Variants in UBA6 observed in about 807,000 individuals in gnomAD.
UBA6 encodes ubiquitin like modifier activating enzyme 6.
A neutral mutation model predicts 148.3 loss-of-function variants in UBA6; 87 were observed. The ratio of observed to expected loss-of-function variants is 0.59; its 90% confidence interval spans 0.49 to 0.70. The LOEUF (loss-of-function observed/expected upper bound fraction) is 0.70. Among genes scored for constraint, UBA6 ranks in the 30% least tolerant of loss-of-function variants. UBA6 has a pLI of 0.00. For missense variants in UBA6, 1,186 were observed against 1,241.2 expected (o/e 0.96, Z 0.67); for synonymous variants, 376 against 401.0 (o/e 0.94, Z 0.75).
chr4:67,699,550 A>ATAC (rs10633614), intron 1 of UBA6, among the ~76,000 whole-genome samples: 34,891 of 152,094 alleles, frequency 0.23, 4,151 homozygotes, highest in Middle Eastern at 0.29. Context: ...ACACATACAC[A>ATAC]ATATACCCTG....
Position 67,613,388 on chromosome 4 carries a change from C to A in UBA6, c.*5609G>T, listed in dbSNP as rs551655731. ...ACAGACCCACAGGCGGGTTTTGATT[C>A]TGGAATTATTAGACAGACTAGAAAA... On this transcript the variant is annotated 3_prime_UTR_variant, in exon 33 of 33. Coordinates refer to ENST00000322244, the MANE Select transcript of UBA6 (RefSeq NM_018227.6). 193 of 152,198 alleles carry A rather than the reference C, an allele frequency of 1.3e-3. No homozygotes were observed. Among genetic ancestry groups the A allele is most frequent in the African/African-American group, 4.3e-3 (178 of 41,518 alleles). 9.4% of individuals were successfully genotyped at this position (152,198 alleles called of 1,614,324 possible).
chr4:67,681,444 T>G, intron 4 of UBA6, 119 bp downstream of exon 4: 1 of 624,792 alleles, frequency 1.6e-6, no homozygotes, highest in Non-Finnish European at 2.7e-6. Context: ...CCATGATTTT[T>G]TTTAAAAAGT....
chr4:67,626,282 A>C (rs1728865297), intron 28 of UBA6, 78 bp downstream of exon 28: 2 of 816,600 alleles, frequency 2.4e-6, no homozygotes, highest in South Asian at 2.9e-5. Flanking sequence ...ATTAAATTCC[A>C]CAAATTCTTA....
chr4:67,647,489 T>G (rs1729446292), intron 14 of UBA6, among the ~76,000 whole-genome samples: 1 of 152,260 alleles, frequency 6.6e-6, no homozygotes, highest in Admixed American at 6.5e-5. Context: ...ACTCTGTATT[T>G]ATTTTTCAGC....
chr4:67,663,748 T>C (rs1458306812), intron 11 of UBA6, 137 bp downstream of exon 11: 1 of 652,492 alleles, frequency 1.5e-6, no homozygotes, highest in South Asian at 2.0e-5. Flanking sequence ...TATGTGAGTA[T>C]AACCTTTATT....
At chr4:67,647,508 A>G (rs1729446872) in intron 14 of UBA6, among the ~76,000 whole-genome samples, 1 of 152,094 alleles carries the variant, frequency 6.6e-6, no homozygotes, top group Non-Finnish European at 1.5e-5. Context: ...GCTTGGATAT[A>G]TAATCTATAA....
At position 67,641,225 on chromosome 4, in the gene UBA6, T is replaced by G. The variant is rs1334067711; in HGVS notation, c.1480A>C (p.Thr494Pro). 6.4e-7 allele frequency: 1 copy of G among 1,561,184 alleles called. No individual in the cohort carries two copies. Among genetic ancestry groups the G allele is most frequent in the Non-Finnish European group, 8.7e-7 (1 of 1,145,302 alleles). Residue 494 changes from threonine (T) to proline (P), a missense_variant, in exon 18 of 33, where the codon ACA (threonine) becomes CCA (proline). Transcript: ENST00000322244. Reference protein sequence around the residue: ...VGTSKEKGMITVTDPDLIEKS... With the variant: ...VGTSKEKGMIPVTDPDLIEKS... ...TCTATCAAGTCAGGATCTGTAACTG[T>G]AATCTAATATCAAGAAAATATGGCT... is the stretch of plus-strand genomic sequence containing the variant.
At chr4:67,627,401 A>G (rs1479224147) in intron 27 of UBA6, among the ~76,000 whole-genome samples, 1 of 151,974 alleles carries the variant, frequency 6.6e-6, no homozygotes, top group Non-Finnish European at 1.5e-5. Flanking sequence ...CCCACAGTTC[A>G]TGTTAAAACT....
At position 67,630,945 on chromosome 4, in the gene UBA6, A is replaced by G. The variant is rs551431626; in HGVS notation, c.2259-410T>C. On this transcript the variant is annotated intron_variant, in intron 25 of 32. Coordinates refer to ENST00000322244, the MANE Select transcript of UBA6 (RefSeq NM_018227.6). ...TTTAAAAACAAAAAAAGAAAGTCTT[A>G]TAGAAGAAGCAGTCCAGCATAAGGT... is the stretch of plus-strand genomic sequence containing the variant. Among the ~76,000 whole-genome samples the G allele has an allele frequency of 2.9e-4, 44 of 152,350 alleles. No individual in the cohort carries two copies. In the South Asian group the frequency reaches 8.9e-3, roughly 31 times the overall value.
At chr4:67,649,034 G>A (rs2109919706) in intron 14 of UBA6, 34 bp downstream of exon 14, 2 of 1,597,678 alleles carry the variant, frequency 1.3e-6, no homozygotes, top group Non-Finnish European at 1.7e-6. Flanking sequence ...CATTTCACGA[G>A]TAAAGAATTC....
intron 13 of UBA6, among the ~76,000 whole-genome samples, chr4:67,661,290 C>T (rs2109931685): frequency 6.6e-6 from 1 of 152,176 alleles, no homozygotes; most frequent in East Asian, 1.9e-4. Flanking sequence ...GTGTCCCCAC[C>T]CAAAATCTCA....
At chr4:67,629,979 T>C (rs1728958150) in intron 26 of UBA6, among the ~76,000 whole-genome samples, 1 of 152,066 alleles carries the variant, frequency 6.6e-6, no homozygotes, top group Admixed American at 6.6e-5. Context: ...TGTTAGTCAA[T>C]GAAGATGATG....
chr4:67,628,493 A>C (rs181762953), intron 27 of UBA6, among the ~76,000 whole-genome samples: 1 of 151,180 alleles, frequency 6.6e-6, no homozygotes, highest in Non-Finnish European at 1.5e-5. Context: ...GGTTTTCCTC[A>C]CTTCCATCCC....
intron 7 of UBA6, among the ~76,000 whole-genome samples, chr4:67,672,773 C>T (rs72642380): frequency 0.23 from 34,892 of 151,970 alleles, 4,166 homozygotes; most frequent in Middle Eastern, 0.3. Context: ...CTTTGAATGC[C>T]TTCCCCCAGA....
intron 20 of UBA6, among the ~76,000 whole-genome samples, chr4:67,634,851 G>A (rs1333742513): frequency 6.6e-6 from 1 of 151,930 alleles, no homozygotes; most frequent in African/African-American, 2.4e-5. Flanking sequence ...TTATAACACT[G>A]CCCCGCTTTG....
At chr4:67,653,256 T>C (rs1054836274) in intron 13 of UBA6, among the ~76,000 whole-genome samples, 2 of 152,170 alleles carry the variant, frequency 1.3e-5, no homozygotes, top group African/African-American at 4.8e-5. Context: ...GTAGACTGAC[T>C]GGGAAACACC....
Position 67,662,192 on chromosome 4 carries a change from C to T in UBA6, c.1101G>A (p.Glu367=), listed in dbSNP as rs751324120. 2.4e-5 allele frequency: 38 copies of T among 1,613,428 alleles called. No homozygotes were observed. Among genetic ancestry groups the T allele is most frequent in the Non-Finnish European group, 3.2e-5 (38 of 1,179,766 alleles). Residue 367 remains glutamate (E), a synonymous_variant, in exon 13 of 33, where the codon GAG becomes GAA. Transcript: ENST00000322244. The stretch of plus-strand genomic sequence containing the variant: ...AGCCATAAATTTCAATAGTCACCTT[C>T]TCTTCCAAGGTTTCACTTATAGATG... ...LATSISETLE[E]KPDVNADIVH...
intron 3 of UBA6, 77 bp from the exon 4 acceptor site, chr4:67,681,668 A>G (rs563596121): frequency 3.2e-6 from 3 of 948,036 alleles, no homozygotes; most frequent in East Asian, 5.4e-5. Flanking sequence ...GCTTAGTCAC[A>G]TATCTGACTG....
At position 67,649,218 on chromosome 4, in the gene UBA6, C is replaced by T; in HGVS notation, c.1105-7G>A. 6.2e-7 allele frequency: 1 copy of T among 1,601,130 alleles called. No individual in the cohort carries two copies. On this transcript the variant is annotated splice_region_variant and splice_polypyrimidine_tract_variant and intron_variant, in intron 13 of 32. Transcript: ENST00000322244. ...TGTCAGCATTTACATCAGGCTAAAA[C>T]AAAAGCCATAAAAGACAATAACATT... is the stretch of plus-strand genomic sequence containing the variant.
Sources: gnomAD v4.1 joint callset for allele counts (sites outside exome capture counted in the v4.1 genomes callset) on GRCh38, gnomAD v4.1.1 for gene constraint, MANE v1.5 for transcripts, NCBI Gene and HGNC (gene_info 2026-07-23, HGNC 2026-07-21) for gene names.